XPO7: variants seen among roughly 807,000 people sequenced by gnomAD.
XPO7 encodes the protein exportin-7.
In XPO7, 21 loss-of-function variants were observed where a neutral mutation model predicts 144.3. That is an observed-to-expected ratio of 0.15 (90% CI 0.10 to 0.21). XPO7 has a LOEUF of 0.21. Among genes scored for constraint, XPO7 ranks in the 10% least tolerant of loss-of-function variants. XPO7 has a pLI of 1.00. For missense variants in XPO7, 808 were observed against 1,325.8 expected (o/e 0.61, Z 6.06); for synonymous variants, 580 against 499.6 (o/e 1.16, Z -2.15).
chr8:21,920,040 C>G (rs892920401), intron 1 of XPO7, among the ~76,000 whole-genome samples: 1 of 151,660 alleles, frequency 6.6e-6, no homozygotes, highest in Non-Finnish European at 1.5e-5. Context: ...GAACGGGCAT[C>G]CCGGCGCGCG....
intron 1 of XPO7, among the ~76,000 whole-genome samples, chr8:21,929,846 G>C (rs908298771): frequency 1.3e-5 from 2 of 152,086 alleles, no homozygotes; most frequent in African/African-American, 4.8e-5. Context: ...GAGTGAAGTG[G>C]AAGTCAGTAA....
At position 21,971,862 on chromosome 8, in the gene XPO7, C is replaced by CT. The variant is rs1812071759; in HGVS notation, c.427-7dup. On this transcript the variant is annotated splice_polypyrimidine_tract_variant and intron_variant, in intron 4 of 27. Coordinates refer to ENST00000252512, the MANE Select transcript of XPO7 (RefSeq NM_015024.5). ...ACATGACAACTCTTTCTACCTTATACTTTTTTTAACCAGGATAGTGTTGAA... is the reference window on the plus strand; with the variant it reads ...ACATGACAACTCTTTCTACCTTATACTTTTTTTTAACCAGGATAGTGTTGAA... The CT allele has an allele frequency of 1.9e-6, 3 of 1,607,818 alleles. No homozygotes were observed. The highest frequency in any genetic ancestry group is 2.6e-6 in the Non-Finnish European group (3 of 1,176,432).
At chr8:21,980,789 A>C (rs1411628302) in intron 9 of XPO7, among the ~76,000 whole-genome samples, 4 of 152,048 alleles carry the variant, frequency 2.6e-5, no homozygotes, top group African/African-American at 9.7e-5. Context: ...AAAAAAAAAA[A>C]ACTAACATTT....
At chr8:21,936,868 T>C (rs68023663) in intron 1 of XPO7, among the ~76,000 whole-genome samples, 56,441 of 151,866 alleles carry the variant, frequency 0.37, 11,083 homozygotes, top group Non-Finnish European at 0.44. Flanking sequence ...TAATATTTAC[T>C]TCATATAGGG....
rs940391305 is a variant in XPO7, at chr8:21,951,254, G to A, written c.19-15603G>A. On this transcript the variant is annotated intron_variant, in intron 1 of 27. Transcript: ENST00000252512. ...ATAGGTAGATATGCTCACCTCTTTG[G>A]TTAAGTACGTCTTTTTTTTTTTAAA... 5.9e-5 allele frequency among the ~76,000 whole-genome samples: 9 copies of A among 151,816 alleles called. No homozygotes were observed. In the East Asian group the frequency reaches 1.7e-3, roughly 29 times the overall value.
At chr8:21,966,816 A>C (rs1410501805) in intron 1 of XPO7, 41 bp from the exon 2 acceptor site, 1 of 1,575,720 alleles carries the variant, frequency 6.3e-7, no homozygotes, top group South Asian at 1.2e-5. Flanking sequence ...TTACATTTGT[A>C]GTAGGCTGAA....
At position 21,919,699 on chromosome 8, in the gene XPO7, G is replaced by T. The variant is rs1419466943; in HGVS notation, c.-72G>T. The T allele has an allele frequency of 4.9e-6, 1 of 205,028 alleles. No individual in the cohort carries two copies. The highest frequency in any genetic ancestry group is 1.0e-5 in the Non-Finnish European group (1 of 99,994). 12.7% of individuals were successfully genotyped at this position (205,028 alleles called of 1,614,324 possible). On this transcript the variant is annotated 5_prime_UTR_variant, in exon 1 of 28. Transcript: ENST00000252512. ...CAGCGGCGACGGCGTCGGCGGCGGC[G>T]GCGGCAGCGGCTCCGGCCGAGGTGC...
At chr8:21,954,797 T>G (rs1303185347) in intron 1 of XPO7, among the ~76,000 whole-genome samples, 3 of 152,220 alleles carry the variant, frequency 2.0e-5, no homozygotes, top group Non-Finnish European at 4.4e-5. Context: ...TTTTGACTGC[T>G]TTAATATCTA....
At chr8:21,987,491 A>G (rs189934124) in intron 14 of XPO7, among the ~76,000 whole-genome samples, 18 of 152,340 alleles carry the variant, frequency 1.2e-4, no homozygotes, top group East Asian at 7.7e-4. Flanking sequence ...GGCCAGTCCA[A>G]ACATCTGTTG....
intron 7 of XPO7, among the ~76,000 whole-genome samples, chr8:21,977,346 C>T (rs1375879624): frequency 2.6e-5 from 4 of 152,084 alleles, no homozygotes; most frequent in African/African-American, 4.8e-5. Context: ...TTTGGGAGGC[C>T]GAGGCAGGCA....
At position 21,984,749 on chromosome 8, in the gene XPO7, C is replaced by T; in HGVS notation, c.1381C>T (p.Leu461Phe). Residue 461 changes from leucine to phenylalanine, a missense_variant, in exon 12 of 28, where the codon CTC becomes TTC. Physicochemically the swap from Leu to Phe is conservative, Grantham distance 22. Around this residue, in one of 5 missense-constraint regions of XPO7, gnomAD observed 416 missense variants for 612.5 expected, o/e 0.68. Transcript: ENST00000252512. Reference protein sequence around the residue: ...RCEYEKTCALLVQLFDQSAQS... With the variant: ...RCEYEKTCALFVQLFDQSAQS... ...TGAATATGAGAAGACGTGTGCACTC[C>T]TCGTGCAGTTGTTTGACCAGTCGGC... 6.2e-7 allele frequency: 1 copy of T among 1,613,982 alleles called. No homozygotes were observed. The highest frequency in any genetic ancestry group is 8.5e-7 in the Non-Finnish European group (1 of 1,179,890).
At chr8:21,960,117 G>A (rs1232735537) in intron 1 of XPO7, among the ~76,000 whole-genome samples, 1 of 152,220 alleles carries the variant, frequency 6.6e-6, no homozygotes, top group Non-Finnish European at 1.5e-5. Flanking sequence ...GGGAACTGGA[G>A]AGAGCCTGCC....
intron 1 of XPO7, among the ~76,000 whole-genome samples, chr8:21,931,118 A>G (rs1810632113): frequency 6.6e-6 from 1 of 151,312 alleles, no homozygotes; most frequent in African/African-American, 2.4e-5. Context: ...TGCTGGGATT[A>G]CAGCCATGAG....
chr8:21,981,362 T>G (rs1812404739), intron 9 of XPO7, among the ~76,000 whole-genome samples: 1 of 152,206 alleles, frequency 6.6e-6, no homozygotes. Context: ...TTCCTTTGAT[T>G]GGTAACAATA....
chr8:21,923,372 A>G (rs754632929), intron 1 of XPO7, among the ~76,000 whole-genome samples: 1 of 152,228 alleles, frequency 6.6e-6, no homozygotes. Context: ...GTGATAAGCA[A>G]TAACTATATC....
intron 24 of XPO7, among the ~76,000 whole-genome samples, chr8:22,000,433 T>A (rs1813100757): frequency 6.6e-6 from 1 of 151,838 alleles, no homozygotes; most frequent in South Asian, 2.1e-4. Context: ...ACCATTTTGT[T>A]TCTAGGCTAC....
intron 20 of XPO7, 126 bp from the exon 21 acceptor site, chr8:21,995,366 C>G (rs1364449769): frequency 5.5e-6 from 4 of 724,490 alleles, no homozygotes; most frequent in Non-Finnish European, 9.0e-6. Context: ...CCAAGATTAG[C>G]AAGCAAGAGA....
intron 1 of XPO7, among the ~76,000 whole-genome samples, chr8:21,936,300 G>A (rs1810820139): frequency 6.6e-6 from 1 of 152,022 alleles, no homozygotes; most frequent in Non-Finnish European, 1.5e-5. Flanking sequence ...CTGTCTCTGT[G>A]TCCAGAAGAT....
At chr8:21,939,344 C>G (rs554060803) in intron 1 of XPO7, among the ~76,000 whole-genome samples, 1 of 152,086 alleles carries the variant, frequency 6.6e-6, no homozygotes, top group Non-Finnish European at 1.5e-5. Flanking sequence ...GCCTCAGCCT[C>G]CCGAGTAGCC....
Sources: gnomAD v4.1 joint callset for allele counts (sites outside exome capture counted in the v4.1 genomes callset) on GRCh38, gnomAD v4.1.1 for gene constraint, gnomAD v4.1.1 regional missense constraint, MANE v1.5 for transcripts, NCBI Gene and HGNC (gene_info 2026-07-23, HGNC 2026-07-21) for gene names.